Variants in ZNF804A observed in about 807,000 individuals in gnomAD.
ZNF804A encodes zinc finger protein 804A.
Under a neutral mutation model 16.5 loss-of-function variants are expected in ZNF804A, and 2 were observed. The ratio of observed to expected loss-of-function variants is 0.12; its 90% CI spans 0.05 to 0.38. The LOEUF is 0.38. ZNF804A is among the 10% of genes least tolerant of loss of function. The probability of loss-of-function intolerance (pLI) is 0.99; values close to 1 mark genes in which losing one functional copy is unlikely to be tolerated. For missense variants in ZNF804A, 1,473 were observed against 1,390.7 expected, an observed-to-expected ratio of 1.06 and a Z score of -0.94; for synonymous variants, 534 against 489.6, an observed-to-expected ratio of 1.09 and a Z score of -1.20.
intron 1 of ZNF804A, among the ~76,000 whole-genome samples, chr2:184,847,719 C>G (rs1183732574): frequency 1.3e-5 from 2 of 152,024 alleles, no homozygotes; most frequent in African/African-American, 2.4e-5. Context: ...TAAGACTGTT[C>G]CCATTTTCAA....
intron 2 of ZNF804A, among the ~76,000 whole-genome samples, chr2:184,893,058 ACT>A (rs971298050): frequency 9.2e-5 from 14 of 152,140 alleles, no homozygotes; most frequent in Admixed American, 2.6e-4. Flanking sequence ...GTTTAGAAAC[ACT>A]CTGTAAAATA....
chr2:184,874,139 G>A (rs986247594), intron 2 of ZNF804A, among the ~76,000 whole-genome samples: 11 of 151,974 alleles, frequency 7.2e-5, no homozygotes, highest in African/African-American at 2.4e-4. Flanking sequence ...TCAAATTAAA[G>A]CAAAATGTAA....
intron 1 of ZNF804A, among the ~76,000 whole-genome samples, chr2:184,778,290 C>A (rs1489646814): frequency 6.6e-6 from 1 of 151,496 alleles, no homozygotes; most frequent in African/African-American, 2.4e-5. Context: ...AGGCATTGTT[C>A]TGGATCCTGG....
At chr2:184,674,341 A>C (rs191537701) in intron 1 of ZNF804A, among the ~76,000 whole-genome samples, 7 of 152,150 alleles carry the variant, frequency 4.6e-5, no homozygotes, top group African/African-American at 1.7e-4. Flanking sequence ...AATAAACATA[A>C]TATTCAAATT....
intron 1 of ZNF804A, among the ~76,000 whole-genome samples, chr2:184,782,108 T>A (rs1206945903): frequency 1.3e-5 from 2 of 151,790 alleles, no homozygotes; most frequent in African/African-American, 2.4e-5. Context: ...ATTATCTCTT[T>A]GAGGGCCTTA....
chr2:184,788,415 A>T (rs1210677722), intron 1 of ZNF804A, among the ~76,000 whole-genome samples: 1 of 151,890 alleles, frequency 6.6e-6, no homozygotes, highest in African/African-American at 2.4e-5. Context: ...GTTAATCTAG[A>T]TTACTTCGGG....
intron 1 of ZNF804A, among the ~76,000 whole-genome samples, chr2:184,637,903 T>G (rs1306988946): frequency 6.6e-6 from 1 of 152,154 alleles, no homozygotes; most frequent in African/African-American, 2.4e-5. Context: ...TTCATATAAC[T>G]TTTTACCATT....
chr2:184,768,008 T>C (rs1161164320), intron 1 of ZNF804A, among the ~76,000 whole-genome samples: 3 of 152,056 alleles, frequency 2.0e-5, no homozygotes, highest in Non-Finnish European at 4.4e-5. Flanking sequence ...ACCAAATATA[T>C]AACTAGGACA....
chr2:184,735,301 T>A (rs1228999895), intron 1 of ZNF804A, among the ~76,000 whole-genome samples: 1 of 152,178 alleles, frequency 6.6e-6, no homozygotes, highest in Non-Finnish European at 1.5e-5. Context: ...AATGAAATAA[T>A]TATTTACATT....
chr2:184,742,346 T>C (rs1385837967), intron 1 of ZNF804A, among the ~76,000 whole-genome samples: 4 of 152,012 alleles, frequency 2.6e-5, no homozygotes, highest in African/African-American at 9.7e-5. Context: ...TCAGGTAATA[T>C]ATTCCCTTTC....
chr2:184,878,821 A>T (rs1431692224), intron 2 of ZNF804A, among the ~76,000 whole-genome samples: 2 of 152,016 alleles, frequency 1.3e-5, no homozygotes, highest in African/African-American at 4.8e-5. Flanking sequence ...GATAATAAAA[A>T]TATTTGTTTT....
chr2:184,611,841 C>G (rs1342445743), intron 1 of ZNF804A, among the ~76,000 whole-genome samples: 4 of 152,138 alleles, frequency 2.6e-5, no homozygotes, highest in Admixed American at 2.6e-4. Context: ...TTGCTGTGTA[C>G]TTTATTTGCA....
chr2:184,716,207 A>T (rs1437682992), intron 1 of ZNF804A, among the ~76,000 whole-genome samples: 1 of 152,110 alleles, frequency 6.6e-6, no homozygotes, highest in Non-Finnish European at 1.5e-5. Context: ...ATGTAACTAT[A>T]ATTATATACC....
intron 1 of ZNF804A, among the ~76,000 whole-genome samples, chr2:184,795,776 C>T (rs1270631237): frequency 1.3e-5 from 2 of 152,112 alleles, no homozygotes; most frequent in Non-Finnish European, 1.5e-5. Flanking sequence ...AAAGACCATG[C>T]AAGGCTACTA....
At chr2:184,785,465 G>A (rs560985819) in intron 1 of ZNF804A, among the ~76,000 whole-genome samples, 6 of 151,844 alleles carry the variant, frequency 4.0e-5, no homozygotes, top group South Asian at 2.1e-4. Context: ...TCATCACACC[G>A]CTGGTTTTCC....
At chr2:184,926,605 C>T (rs1685616633) in intron 2 of ZNF804A, among the ~76,000 whole-genome samples, 3 of 152,034 alleles carry the variant, frequency 2.0e-5, no homozygotes, top group Non-Finnish European at 4.4e-5. Context: ...ATCCCCATCT[C>T]TTGCTTAAGA....
chr2:184,677,431 T>G (rs1289393319), intron 1 of ZNF804A, among the ~76,000 whole-genome samples: 1 of 151,926 alleles, frequency 6.6e-6, no homozygotes. Flanking sequence ...GAGATTACCA[T>G]GAGTGGTGTA....
chr2:184,686,837 C>T (rs1180172611), intron 1 of ZNF804A, among the ~76,000 whole-genome samples: 1 of 152,116 alleles, frequency 6.6e-6, no homozygotes, highest in Non-Finnish European at 1.5e-5. Flanking sequence ...GCTTGTATGT[C>T]TTCTTTTGAA....
chr2:184,720,894 G>T (rs752016343), intron 1 of ZNF804A, among the ~76,000 whole-genome samples: 2 of 152,008 alleles, frequency 1.3e-5, no homozygotes, highest in Non-Finnish European at 2.9e-5. Context: ...TACAAAAACA[G>T]ATACATAAAG....
Sources: gnomAD v4.1 joint callset for allele counts (sites outside exome capture counted in the v4.1 genomes callset) on GRCh38, gnomAD v4.1.1 for gene constraint, MANE v1.5 for transcripts, NCBI Gene and HGNC (gene_info 2026-07-23, HGNC 2026-07-21) for gene names.